CSMD2: variants seen among roughly 807,000 people sequenced by gnomAD.
CSMD2 encodes CUB and sushi domain-containing protein 2.
A neutral mutation model predicts 398.5 loss-of-function variants in CSMD2; 130 were observed. The observed-to-expected ratio is 0.33, with a 90% CI of 0.28 to 0.38. The LOEUF is 0.38. Among genes scored for constraint, CSMD2 ranks in the 10% least tolerant of loss-of-function variants. CSMD2 has a pLI of 1.00. For missense variants in CSMD2, 3,829 were observed against 4,764.9 expected (o/e 0.80, Z 5.78); for synonymous variants, 1,828 against 1,908.5 (o/e 0.96, Z 1.10).
chr1:33,745,002 T>C (rs1242758591), intron 13 of CSMD2, among the ~76,000 whole-genome samples: 1 of 152,146 alleles, frequency 6.6e-6, no homozygotes, highest in East Asian at 1.9e-4. Flanking sequence ...TAGCCAAAGA[T>C]GTTTACAATG....
intron 2 of CSMD2, among the ~76,000 whole-genome samples, chr1:34,087,186 A>G (rs1249576509): frequency 6.6e-6 from 1 of 152,024 alleles, no homozygotes; most frequent in Non-Finnish European, 1.5e-5. Flanking sequence ...TACATGGGAT[A>G]CCACACCATA....
chr1:33,970,060 C>G (rs1645701573), intron 3 of CSMD2, among the ~76,000 whole-genome samples: 1 of 149,886 alleles, frequency 6.7e-6, no homozygotes, highest in South Asian at 2.1e-4. Flanking sequence ...AAGCCGAGAT[C>G]ACGCCATTGC....
At chr1:33,814,892 T>C (rs1018282629) in intron 9 of CSMD2, among the ~76,000 whole-genome samples, 1 of 152,100 alleles carries the variant, frequency 6.6e-6, no homozygotes, top group Admixed American at 6.5e-5. Context: ...TTTCATCCCA[T>C]CTATTGATCC....
chr1:34,034,414 G>A (rs1254077873), intron 2 of CSMD2, among the ~76,000 whole-genome samples: 1 of 152,168 alleles, frequency 6.6e-6, no homozygotes, highest in Non-Finnish European at 1.5e-5. Context: ...GACTCTGAAA[G>A]CCTTTTATTT....
intron 6 of CSMD2, among the ~76,000 whole-genome samples, chr1:33,832,654 G>A (rs1478864226): frequency 6.6e-6 from 1 of 150,748 alleles, no homozygotes; most frequent in African/African-American, 2.5e-5. Context: ...TAAAATCAGA[G>A]CAGAACTGTA....
intron 53 of CSMD2, among the ~76,000 whole-genome samples, chr1:33,563,932 T>C (rs1658811966): frequency 6.6e-6 from 1 of 152,090 alleles, no homozygotes; most frequent in Non-Finnish European, 1.5e-5. Context: ...AGTAAACACT[T>C]ACAAATATTT....
At chr1:33,919,295 T>C (rs1180500831) in intron 4 of CSMD2, among the ~76,000 whole-genome samples, 5 of 152,188 alleles carry the variant, frequency 3.3e-5, no homozygotes, top group Non-Finnish European at 7.4e-5. Context: ...AGGGAGCTCC[T>C]TGTGGTATGG....
intron 3 of CSMD2, among the ~76,000 whole-genome samples, chr1:34,012,772 A>G (rs1647537947): frequency 6.6e-6 from 1 of 152,224 alleles, no homozygotes; most frequent in African/African-American, 2.4e-5. Context: ...TAGTAAGTAC[A>G]CAATAAATAT....
intron 13 of CSMD2, among the ~76,000 whole-genome samples, chr1:33,755,748 T>C (rs1018904702): frequency 3.9e-5 from 6 of 152,112 alleles, no homozygotes; most frequent in African/African-American, 1.4e-4. Flanking sequence ...GGGCTAAAAG[T>C]GATCCTCCCA....
intron 2 of CSMD2, among the ~76,000 whole-genome samples, chr1:34,057,623 C>G (rs1479503349): frequency 6.6e-6 from 1 of 152,268 alleles, no homozygotes; most frequent in South Asian, 2.1e-4. Context: ...CCCTTGCCTC[C>G]GCCTCTTGGC....
Position 33,633,350 on chromosome 1 carries a change from A to G in CSMD2, c.5200+72T>C. On this transcript the variant is annotated intron_variant, in intron 32 of 70. Coordinates refer to ENST00000373381, the MANE Select transcript of CSMD2 (RefSeq NM_001281956.2). This position sits in a 1 kb window ranked among gnomAD's most constrained non-coding sequence, Gnocchi z 5.0. ...ACCTGCGGCCATGGGGTGCTTCTAGAGCCTCCTTCCTTTAGCCGGACGTGA... is the reference window on the plus strand; with the variant it reads ...ACCTGCGGCCATGGGGTGCTTCTAGGGCCTCCTTCCTTTAGCCGGACGTGA... 2.6e-6 allele frequency: 3 copies of G among 1,161,616 alleles called. No individual in the cohort carries two copies. Among genetic ancestry groups the G allele is most frequent in the Non-Finnish European group, 3.8e-6 (3 of 794,298 alleles). 72.0% of individuals were successfully genotyped at this position (1,161,616 alleles called of 1,614,324 possible).
At chr1:33,743,233 G>A (rs754100851) in intron 14 of CSMD2, 47 bp downstream of exon 14, 2 of 1,497,010 alleles carry the variant, frequency 1.3e-6, no homozygotes, top group Non-Finnish European at 1.8e-6. Flanking sequence ...ATCCTCAGAG[G>A]CAGACACTCA....
chr1:33,658,007 C>T lies in CSMD2; in HGVS notation c.4386G>A (p.Glu1462=), dbSNP rs1644004309. Residue 1462 remains glutamate (E), a synonymous_variant, in exon 27 of 71, where the codon GAG becomes GAA. Transcript: ENST00000373381. ...TGTTCTCGATCTTCACACAGCTGATCTCTGCACTTCCCTGCAGCGCGTAGC... is the reference window on the plus strand; with the variant it reads ...TGTTCTCGATCTTCACACAGCTGATTTCTGCACTTCCCTGCAGCGCGTAGC... ...DPGYALQGSA[E]ISCVKIENRF... is the part of the protein sequence containing the mutation. The T allele has an allele frequency of 6.2e-7, 1 of 1,614,206 alleles. No homozygotes were observed. The highest frequency in any genetic ancestry group is 8.5e-7 in the Non-Finnish European group (1 of 1,180,024).
chr1:33,939,675 T>C (rs1225771907), intron 3 of CSMD2, among the ~76,000 whole-genome samples: 1 of 152,246 alleles, frequency 6.6e-6, no homozygotes, highest in African/African-American at 2.4e-5. Flanking sequence ...CTCACTGCTC[T>C]TTACTTAATG....
At chr1:34,088,914 C>T (rs2148365691) in intron 2 of CSMD2, 63 bp downstream of exon 2, 1 of 1,338,376 alleles carries the variant, frequency 7.5e-7, no homozygotes, top group Non-Finnish European at 1.1e-6. Flanking sequence ...GAAAGATCTT[C>T]CTCCTAGTGA....
At chr1:34,111,083 A>AT in intron 1 of CSMD2, among the ~76,000 whole-genome samples, 1 of 152,174 alleles carries the variant, frequency 6.6e-6, no homozygotes, top group East Asian at 1.9e-4. Flanking sequence ...TCCTGCTAGA[A>AT]TATTTACTTC....
intron 51 of CSMD2, among the ~76,000 whole-genome samples, chr1:33,570,185 T>TTTTTTTG (rs59242848): frequency 8.0e-6 from 1 of 125,372 alleles, no homozygotes; most frequent in South Asian, 2.6e-4. Flanking sequence ...TTTTTTTTTT[T>TTTTTTTG]GAGACGGAGT....
At chr1:33,992,932 C>T (rs984823012) in intron 3 of CSMD2, among the ~76,000 whole-genome samples, 1 of 150,686 alleles carries the variant, frequency 6.6e-6, no homozygotes, top group Admixed American at 6.6e-5. Context: ...ATAGATCCAC[C>T]AGGAAGAATG....
intron 1 of CSMD2, among the ~76,000 whole-genome samples, chr1:34,138,459 G>A (rs566451441): frequency 6.6e-6 from 1 of 152,306 alleles, no homozygotes; most frequent in African/African-American, 2.4e-5. Flanking sequence ...TCTGTAAAAC[G>A]GAGGTGGTAA....
Sources: gnomAD v4.1 joint callset for allele counts (sites outside exome capture counted in the v4.1 genomes callset) on GRCh38, gnomAD v4.1.1 for gene constraint, Gnocchi (gnomAD v3.1) non-coding constraint, MANE v1.5 for transcripts, NCBI Gene and HGNC (gene_info 2026-07-23, HGNC 2026-07-21) for gene names.